GRM8: variants seen among roughly 807,000 people sequenced by gnomAD.
GRM8 encodes glutamate metabotropic receptor 8.
Under a neutral mutation model 87.2 loss-of-function variants are expected in GRM8, and 47 were observed. The observed-to-expected ratio is 0.54, with a 90% CI of 0.43 to 0.69. The LOEUF (loss-of-function observed/expected upper bound fraction) is 0.69, where lower values mean the gene tolerates loss of function less well. Among genes scored for constraint, GRM8 ranks in the 30% least tolerant of loss-of-function variants. The pLI is 0.00. For synonymous variants in GRM8, 396 were observed against 404.5 expected (o/e 0.98, Z 0.25); for missense variants, 1,019 against 1,139.2 (o/e 0.89, Z 1.52).
chr7:126,733,449 C>T (rs1813832912), intron 7 of GRM8, among the ~76,000 whole-genome samples: 1 of 148,992 alleles, frequency 6.7e-6, no homozygotes, highest in Non-Finnish European at 1.5e-5. Context: ...AAATAAGTGG[C>T]TTGCTTGGAA....
chr7:126,920,686 G>C (rs1419359035), intron 3 of GRM8, among the ~76,000 whole-genome samples: 1 of 152,126 alleles, frequency 6.6e-6, no homozygotes, highest in Non-Finnish European at 1.5e-5. Context: ...ATTTTCTATA[G>C]AGGATGAACT....
At chr7:127,067,430 A>C (rs1316142158) in intron 3 of GRM8, among the ~76,000 whole-genome samples, 2 of 152,122 alleles carry the variant, frequency 1.3e-5, no homozygotes, top group Admixed American at 6.5e-5. Flanking sequence ...CCCAATCAAG[A>C]ATTACTCTTT....
At chr7:126,937,473 C>T (rs993017755) in intron 3 of GRM8, among the ~76,000 whole-genome samples, 2 of 152,142 alleles carry the variant, frequency 1.3e-5, no homozygotes, top group African/African-American at 4.8e-5. Flanking sequence ...CAAACCTGCA[C>T]CAGTAGAAAG....
intron 7 of GRM8, among the ~76,000 whole-genome samples, chr7:126,624,754 C>T (rs917977589): frequency 1.1e-4 from 17 of 152,260 alleles, no homozygotes; most frequent in African/African-American, 3.1e-4. Context: ...TGTGAGCACA[C>T]GTGATATGCA....
chr7:126,661,112 T>A (rs1275858822), intron 7 of GRM8, among the ~76,000 whole-genome samples: 1 of 152,230 alleles, frequency 6.6e-6, no homozygotes, highest in African/African-American at 2.4e-5. Flanking sequence ...ACAGGGTGAC[T>A]ATAGTCAACA....
intron 7 of GRM8, among the ~76,000 whole-genome samples, chr7:126,697,501 T>A (rs1292022537): frequency 6.6e-6 from 1 of 152,158 alleles, no homozygotes; most frequent in African/African-American, 2.4e-5. Flanking sequence ...TATACATTTA[T>A]CAAAGCATCA....
chr7:127,129,132 T>C (rs1446478566), intron 2 of GRM8, among the ~76,000 whole-genome samples: 2 of 152,156 alleles, frequency 1.3e-5, no homozygotes, highest in East Asian at 3.9e-4. Context: ...ATTTCATGCA[T>C]CGTGAATTTC....
intron 2 of GRM8, among the ~76,000 whole-genome samples, chr7:127,109,016 G>A (rs1444754130): frequency 6.6e-6 from 1 of 152,114 alleles, no homozygotes; most frequent in Non-Finnish European, 1.5e-5. Context: ...CTAAGCATTG[G>A]TTCATTAAGC....
intron 7 of GRM8, among the ~76,000 whole-genome samples, chr7:126,670,625 C>T (rs1488310715): frequency 1.3e-5 from 2 of 152,114 alleles, no homozygotes; most frequent in Non-Finnish European, 2.9e-5. Context: ...CTTTCAAATA[C>T]AGGCTTCTGA....
intron 3 of GRM8, among the ~76,000 whole-genome samples, chr7:127,065,935 T>C (rs143372403): frequency 1.3e-5 from 2 of 152,354 alleles, no homozygotes; most frequent in East Asian, 3.9e-4. Flanking sequence ...ACTCAAAAAC[T>C]GATCTTCAGA....
chr7:127,101,805 A>C (rs571216540), intron 3 of GRM8, among the ~76,000 whole-genome samples: 1 of 152,348 alleles, frequency 6.6e-6, no homozygotes, highest in South Asian at 2.1e-4. Context: ...AAAATGTGGA[A>C]GTGACTTTGG....
chr7:127,149,263 T>A (rs1423337365), intron 2 of GRM8, among the ~76,000 whole-genome samples: 1 of 151,826 alleles, frequency 6.6e-6, no homozygotes, highest in Admixed American at 6.6e-5. Flanking sequence ...AAGACCTCAA[T>A]AGACATTCTC....
At chr7:126,705,396 T>C (rs1810387391) in intron 7 of GRM8, among the ~76,000 whole-genome samples, 1 of 152,204 alleles carries the variant, frequency 6.6e-6, no homozygotes, top group Admixed American at 6.5e-5. Flanking sequence ...CTGAGGTTGA[T>C]GTTATGATTG....
chr7:126,507,192 T>C (rs1810617442), intron 9 of GRM8, among the ~76,000 whole-genome samples: 1 of 152,076 alleles, frequency 6.6e-6, no homozygotes, highest in Non-Finnish European at 1.5e-5. Flanking sequence ...ACTTTTACTT[T>C]CCGCAAGTAA....
At chr7:127,169,857 C>T (rs1793684640) in intron 2 of GRM8, among the ~76,000 whole-genome samples, 1 of 152,146 alleles carries the variant, frequency 6.6e-6, no homozygotes, top group Admixed American at 6.6e-5. Flanking sequence ...ATTTTAAGCC[C>T]ACTGTTGAGA....
chr7:127,008,669 T>C (rs1266979940), intron 3 of GRM8, among the ~76,000 whole-genome samples: 1 of 152,116 alleles, frequency 6.6e-6, no homozygotes, highest in Non-Finnish European at 1.5e-5. Context: ...AAATCTGTTA[T>C]TTTTAAGTCA....
intron 3 of GRM8, among the ~76,000 whole-genome samples, chr7:126,980,278 T>A (rs1811389426): frequency 7.8e-6 from 1 of 129,010 alleles, no homozygotes; most frequent in Admixed American, 7.3e-5. Flanking sequence ...TACATTCTGG[T>A]CAGAAAAAAA....
intron 6 of GRM8, among the ~76,000 whole-genome samples, chr7:126,846,198 A>G (rs1450353692): frequency 3.9e-5 from 6 of 152,208 alleles, no homozygotes; most frequent in Admixed American, 3.9e-4. Flanking sequence ...TCTAGATTTA[A>G]GAGTTTGTCA....
At chr7:126,448,509 A>C (rs771445161) in intron 9 of GRM8, among the ~76,000 whole-genome samples, 1 of 151,970 alleles carries the variant, frequency 6.6e-6, no homozygotes, top group African/African-American at 2.4e-5. Flanking sequence ...ATTAGACATG[A>C]AGAGGACTTT....
Sources: gnomAD v4.1 joint callset for allele counts (sites outside exome capture counted in the v4.1 genomes callset) on GRCh38, gnomAD v4.1.1 for gene constraint, MANE v1.5 for transcripts, NCBI Gene and HGNC (gene_info 2026-07-23, HGNC 2026-07-21) for gene names.